The following DNAH11 variants were observed in gnomAD, a reference collection of about 807,000 sequenced individuals.
DNAH11 encodes dynein axonemal heavy chain 11, also known as axonemal beta dynein heavy chain 11.
A neutral mutation model predicts 526.0 loss-of-function variants in DNAH11; 442 were observed. The observed-to-expected ratio is 0.84, with a 90% CI of 0.78 to 0.91. The LOEUF (loss-of-function observed/expected upper bound fraction) is 0.91. Ranked by LOEUF, DNAH11 falls within the 40% of genes least tolerant of loss-of-function variation. The probability of loss-of-function intolerance (pLI) is 0.00; values close to 1 mark genes in which losing one functional copy is unlikely to be tolerated. For synonymous variants in DNAH11, 2,461 were observed against 1,935.9 expected, an observed-to-expected ratio of 1.27 and a Z score of -7.12; for missense variants, 6,989 against 5,448.7, an observed-to-expected ratio of 1.28 and a Z score of -8.90.
At chr7:21,840,227 C>T (rs112776181) in intron 65 of DNAH11, among the ~76,000 whole-genome samples, 60 of 152,210 alleles carry the variant, frequency 3.9e-4, no homozygotes, top group African/African-American at 1.3e-3. Context: ...TGTCTGAATG[C>T]GATAGAACAT....
In DNAH11 at chr7:21,698,150, G is replaced by A. The variant is rs78763603; in HGVS notation, c.6117G>A (p.Ala2039=). ...TAGTTGCTGAAGGTTTTGTGGATGCGCGTGCATTAGCCCGAAAGTTCATTA... is the reference window on the plus strand; with the variant it reads ...TAGTTGCTGAAGGTTTTGTGGATGCACGTGCATTAGCCCGAAAGTTCATTA... ...ILLVAEGFVD[A]RALARKFITL... Residue 2039 remains alanine, a synonymous_variant, in exon 36 of 82, where the codon GCG becomes GCA. Coordinates refer to ENST00000409508, the MANE Select transcript of DNAH11 (RefSeq NM_001277115.2). The A allele has an allele frequency of 6.7e-3, 10,825 of 1,613,628 alleles. 842 individuals carry two copies. In the East Asian group the frequency reaches 0.18, roughly 27 times the overall value.
chr7:21,697,161 A>C (rs1005321567), intron 35 of DNAH11, among the ~76,000 whole-genome samples: 1 of 152,182 alleles, frequency 6.6e-6, no homozygotes, highest in Admixed American at 6.6e-5. Context: ...TACTTTAAGA[A>C]GTCTAAAATA....
chr7:21,680,005 A>G lies in DNAH11; in HGVS notation c.5329-1541A>G, dbSNP rs191907697. ...ATTTAGCATTTTAAGATTAAGTGCAATGAGATCAGCAACGTGCTTAGTCAG... is the reference window on the plus strand; with the variant it reads ...ATTTAGCATTTTAAGATTAAGTGCAGTGAGATCAGCAACGTGCTTAGTCAG... On this transcript the variant is annotated intron_variant, in intron 30 of 81. Transcript: ENST00000409508. Among the ~76,000 whole-genome samples the G allele has an allele frequency of 4.6e-5, 7 of 152,322 alleles. No homozygotes were observed. The East Asian group carries it at 1.3e-3, about 29-fold the overall frequency.
chr7:21,774,319 C>T (rs182793109), intron 56 of DNAH11, among the ~76,000 whole-genome samples: 70 of 152,218 alleles, frequency 4.6e-4, no homozygotes, highest in Non-Finnish European at 7.5e-4. Flanking sequence ...CGTCAAGGTT[C>T]TTATCATCCT....
Position 21,735,748 on chromosome 7 carries a change from A to G in DNAH11, c.7549A>G (p.Thr2517Ala). Residue 2517 changes from threonine to alanine, a missense_variant, in exon 46 of 82, where the codon ACA becomes GCA. Transcript: ENST00000409508. ...MLVGNAGVGK[T>A]VFVGDTLASL... ...AGTAGGAAATGCAGGAGTGGGAAAA[A>G]CAGTCTTTGTAGGTGACACATTGGC... 3 of 1,613,994 alleles carry G rather than the reference A, an allele frequency of 1.9e-6. No homozygotes were observed. The highest frequency in any genetic ancestry group is 2.5e-6 in the Non-Finnish European group (3 of 1,179,894).
Position 21,720,721 on chromosome 7 carries a change from T to A in DNAH11, c.7135-4T>A. On this transcript the variant is annotated splice_region_variant and splice_polypyrimidine_tract_variant and intron_variant, in intron 43 of 81. Coordinates refer to ENST00000409508, the MANE Select transcript of DNAH11 (RefSeq NM_001277115.2). The stretch of plus-strand genomic sequence containing the variant: ...GCCTTATTTGACTATTTCTTTTTCT[T>A]TAGACTCTATGTGTTCTTTTGGAGT... The A allele has an allele frequency of 6.4e-7, 1 of 1,555,966 alleles. No individual in the cohort carries two copies. Among genetic ancestry groups the A allele is most frequent in the Non-Finnish European group, 8.7e-7 (1 of 1,150,218 alleles).
At chr7:21,884,624 T>C (rs1013015220) in intron 76 of DNAH11, among the ~76,000 whole-genome samples, 1 of 152,174 alleles carries the variant, frequency 6.6e-6, no homozygotes, top group Non-Finnish European at 1.5e-5. Flanking sequence ...GTGATCTCTG[T>C]GTGTGCTAGA....
chr7:21,704,392 AGACCTT>A, intron 37 of DNAH11, 36 bp from the exon 38 acceptor site: 1 of 1,557,672 alleles, frequency 6.4e-7, no homozygotes, highest in South Asian at 1.2e-5. Context: ...GGTGTTTGTT[AGACCTT>A]GTATTGGCTT....
chr7:21,807,396 G>A (rs962932309), intron 62 of DNAH11, among the ~76,000 whole-genome samples: 12 of 152,228 alleles, frequency 7.9e-5, no homozygotes, highest in African/African-American at 2.9e-4. Flanking sequence ...CTACTTGAGA[G>A]GCTGAAGTGA....
intron 8 of DNAH11, among the ~76,000 whole-genome samples, chr7:21,576,739 T>G (rs540533932): frequency 1.3e-5 from 2 of 152,320 alleles, no homozygotes; most frequent in East Asian, 3.9e-4. Flanking sequence ...ACAGAATTCT[T>G]AAGTGTATTT....
chr7:21,786,850 A>T, intron 59 of DNAH11, 83 bp downstream of exon 59: 1 of 1,536,310 alleles, frequency 6.5e-7, no homozygotes, highest in South Asian at 1.2e-5. Flanking sequence ...ATAGCAAAAG[A>T]TGTTTAAGTC....
At chr7:21,875,476 TC>T (rs1783668269) in intron 74 of DNAH11, among the ~76,000 whole-genome samples, 1 of 152,062 alleles carries the variant, frequency 6.6e-6, no homozygotes, top group South Asian at 2.1e-4. Context: ...GTGGACACTC[TC>T]CCCAGGGAAA....
intron 76 of DNAH11, among the ~76,000 whole-genome samples, chr7:21,888,425 G>C (rs1381472677): frequency 6.6e-6 from 1 of 152,146 alleles, no homozygotes; most frequent in African/African-American, 2.4e-5. Context: ...TAGTGGGCTG[G>C]ATGCTGGTTC....
intron 28 of DNAH11, among the ~76,000 whole-genome samples, chr7:21,654,038 T>C (rs2128464567): frequency 6.6e-6 from 1 of 152,328 alleles, no homozygotes; most frequent in African/African-American, 2.4e-5. Context: ...AAATGTTTTG[T>C]ATTGCTTCAC....
At position 21,749,456 on chromosome 7, in the gene DNAH11, G is replaced by T. The variant is rs1786304572; in HGVS notation, c.8674-222G>T. Among the ~76,000 whole-genome samples, 7 of 152,252 alleles carry T rather than the reference G, an allele frequency of 4.6e-5. No homozygotes were observed. In the South Asian group the frequency reaches 1.4e-3, roughly 32 times the overall value. Reference sequence around the variant, plus strand: ...TGTTTTCATCCCTCTGCTCCAGTAAGCCAGAAACACGACACTCAACCTTAC... The same window carrying T: ...TGTTTTCATCCCTCTGCTCCAGTAATCCAGAAACACGACACTCAACCTTAC... On this transcript the variant is annotated intron_variant, in intron 52 of 81. Transcript: ENST00000409508.
At chr7:21,612,982 C>T (rs1785594451) in intron 20 of DNAH11, among the ~76,000 whole-genome samples, 1 of 152,106 alleles carries the variant, frequency 6.6e-6, no homozygotes, top group Non-Finnish European at 1.5e-5. Flanking sequence ...ACTTAGCAGC[C>T]ATTTTTTACC....
intron 59 of DNAH11, 87 bp from the exon 60 acceptor site, chr7:21,787,314 G>C: frequency 7.3e-7 from 1 of 1,367,868 alleles, no homozygotes; most frequent in East Asian, 2.4e-5. Flanking sequence ...TGTAATGTGA[G>C]TCCTAAAAGC....
intron 25 of DNAH11, among the ~76,000 whole-genome samples, chr7:21,624,288 G>A (rs1786225002): frequency 6.6e-6 from 1 of 151,980 alleles, no homozygotes; most frequent in Non-Finnish European, 1.5e-5. Context: ...ACCTCCTTTG[G>A]TTAAATTTGC....
intron 62 of DNAH11, among the ~76,000 whole-genome samples, chr7:21,802,705 C>T (rs1300984019): frequency 6.6e-6 from 1 of 151,864 alleles, no homozygotes; most frequent in East Asian, 1.9e-4. Context: ...AGAAGCCAGA[C>T]ACAAAAGGCC....
Sources: allele counts gnomAD v4.1 joint callset (sites outside exome capture counted in the v4.1 genomes callset), GRCh38; gene constraint gnomAD v4.1.1; transcripts MANE v1.5; gene names NCBI Gene and HGNC (gene_info 2026-07-23, HGNC 2026-07-21).